The following GRM8 variants were observed in gnomAD, a reference collection of about 807,000 sequenced individuals.
GRM8 encodes the protein metabotropic glutamate receptor 8.
Under a neutral mutation model 87.2 loss-of-function variants are expected in GRM8, and 47 were observed. That is an observed-to-expected ratio of 0.54 (90% CI 0.43 to 0.69). GRM8 has a LOEUF of 0.69. Ranked by LOEUF, GRM8 falls within the 30% of genes least tolerant of loss-of-function variation. The pLI is 0.00. For missense variants in GRM8, 1,019 were observed against 1,139.2 expected (o/e 0.89, Z 1.52); for synonymous variants, 396 against 404.5 (o/e 0.98, Z 0.25).
chr7:126,736,064 A>G (rs1814178897), intron 7 of GRM8, among the ~76,000 whole-genome samples: 2 of 152,080 alleles, frequency 1.3e-5, no homozygotes, highest in African/African-American at 4.8e-5. Context: ...TCTGGGTACA[A>G]AAGACTCATG....
At chr7:126,940,030 AC>A (rs1806742531) in intron 3 of GRM8, among the ~76,000 whole-genome samples, 1 of 152,238 alleles carries the variant, frequency 6.6e-6, no homozygotes, top group African/African-American at 2.4e-5. Flanking sequence ...TAATCATTTT[AC>A]CAAACATCCA....
At chr7:126,724,717 G>C (rs1812771633) in intron 7 of GRM8, among the ~76,000 whole-genome samples, 1 of 151,534 alleles carries the variant, frequency 6.6e-6, no homozygotes. Context: ...TGCCTGAAAA[G>C]GGACAGCTGA....
At chr7:126,771,839 G>A (rs1563172633) in intron 6 of GRM8, among the ~76,000 whole-genome samples, 1 of 151,950 alleles carries the variant, frequency 6.6e-6, no homozygotes, top group Non-Finnish European at 1.5e-5. Flanking sequence ...AAAGAGACAG[G>A]GAAGATTACT....
chr7:126,812,001 A>G (rs945203574), intron 6 of GRM8, among the ~76,000 whole-genome samples: 3 of 151,980 alleles, frequency 2.0e-5, no homozygotes, highest in African/African-American at 7.2e-5. Flanking sequence ...AGGGGTGAAG[A>G]TGAAAAGTTA....
chr7:126,726,040 A>C (rs1476257045), intron 7 of GRM8, among the ~76,000 whole-genome samples: 1 of 152,198 alleles, frequency 6.6e-6, no homozygotes, highest in Non-Finnish European at 1.5e-5. Context: ...CAAATATCCA[A>C]GCTACAGTAT....
At chr7:126,808,641 C>A (rs574468294) in intron 6 of GRM8, among the ~76,000 whole-genome samples, 18 of 152,326 alleles carry the variant, frequency 1.2e-4, no homozygotes, top group African/African-American at 4.1e-4. Flanking sequence ...ATATCTCAAT[C>A]TTTAACTGTA....
At chr7:126,946,328 C>G (rs1489139162) in intron 3 of GRM8, among the ~76,000 whole-genome samples, 4 of 152,028 alleles carry the variant, frequency 2.6e-5, no homozygotes, top group Admixed American at 2.0e-4. Flanking sequence ...ATAGTGAGAC[C>G]CCCCCATCTC....
intron 7 of GRM8, among the ~76,000 whole-genome samples, chr7:126,762,579 G>C (rs1010103006): frequency 4.6e-5 from 7 of 152,018 alleles, no homozygotes; most frequent in South Asian, 2.1e-4. Flanking sequence ...CTGTATTCAG[G>C]CATGTTATAA....
intron 3 of GRM8, among the ~76,000 whole-genome samples, chr7:127,100,883 C>T (rs1180939331): frequency 6.6e-6 from 1 of 152,118 alleles, no homozygotes; most frequent in African/African-American, 2.4e-5. Flanking sequence ...ATCCTCATTC[C>T]CCTATACTTC....
chr7:127,198,431 G>C (rs1172763877), intron 2 of GRM8, among the ~76,000 whole-genome samples: 1 of 152,144 alleles, frequency 6.6e-6, no homozygotes, highest in Non-Finnish European at 1.5e-5. Flanking sequence ...CCTATGAAAT[G>C]AAAATGACAG....
At chr7:126,695,827 CG>C (rs1809321063) in intron 7 of GRM8, among the ~76,000 whole-genome samples, 1 of 151,874 alleles carries the variant, frequency 6.6e-6, no homozygotes. Flanking sequence ...AAGGATGGGG[CG>C]GGGGACACAT....
chr7:127,193,367 A>G (rs962542124), intron 2 of GRM8, among the ~76,000 whole-genome samples: 9 of 152,206 alleles, frequency 5.9e-5, no homozygotes, highest in Non-Finnish European at 1.3e-4. Flanking sequence ...CCATTGACCC[A>G]AGCATATGTT....
chr7:126,630,928 T>C (rs1345019807), intron 7 of GRM8, among the ~76,000 whole-genome samples: 2 of 151,978 alleles, frequency 1.3e-5, no homozygotes, highest in African/African-American at 2.4e-5. Context: ...CAATATCATA[T>C]TGAATGGGCA....
chr7:126,544,177 AAGGACCACCCAACCCCTATATAAG>A (rs1382733764), intron 8 of GRM8, among the ~76,000 whole-genome samples: 1 of 152,202 alleles, frequency 6.6e-6, no homozygotes, highest in Non-Finnish European at 1.5e-5. Flanking sequence ...CATTAATCTC[AAGGACCACCCAACCCCTATATAAG>A]ACTTAGGACT....
chr7:127,140,264 C>G (rs945978282), intron 2 of GRM8, among the ~76,000 whole-genome samples: 2 of 151,988 alleles, frequency 1.3e-5, no homozygotes, highest in African/African-American at 4.8e-5. Flanking sequence ...AGTGGCATCC[C>G]TGGTCTCTAT....
intron 9 of GRM8, among the ~76,000 whole-genome samples, chr7:126,475,790 A>G (rs572261626): frequency 3.3e-5 from 5 of 152,284 alleles, no homozygotes; most frequent in African/African-American, 9.6e-5. Context: ...GGAACACAAT[A>G]AAGAGCTTAG....
intron 7 of GRM8, among the ~76,000 whole-genome samples, chr7:126,649,174 TGATTG>T (rs1205929593): frequency 6.6e-6 from 1 of 152,074 alleles, no homozygotes; most frequent in African/African-American, 2.4e-5. Flanking sequence ...AGTGTCAACT[TGATTG>T]GATTGAAGGA....
chr7:126,439,955 TAGC>T (rs1304951402), intron 10 of GRM8, among the ~76,000 whole-genome samples: 1 of 152,024 alleles, frequency 6.6e-6, no homozygotes, highest in African/African-American at 2.4e-5. Context: ...ATATTTTTTA[TAGC>T]TGGACAATGT....
intron 9 of GRM8, among the ~76,000 whole-genome samples, chr7:126,492,145 G>A (rs1808089632): frequency 6.6e-6 from 1 of 151,870 alleles, no homozygotes. Context: ...CAACCTCCTG[G>A]GCTCAAATGA....
Sources: gnomAD v4.1 joint callset for allele counts (sites outside exome capture counted in the v4.1 genomes callset) on GRCh38, gnomAD v4.1.1 for gene constraint, MANE v1.5 for transcripts, NCBI Gene and HGNC (gene_info 2026-07-23, HGNC 2026-07-21) for gene names.